RAD51B: variants seen among roughly 807,000 people sequenced by gnomAD.
The protein encoded by RAD51B is DNA repair protein RAD51 homolog 2.
In RAD51B, 38 loss-of-function variants were observed where a neutral mutation model predicts 42.2. That is an observed-to-expected ratio of 0.90 (90% CI 0.70 to 1.18). The LOEUF (loss-of-function observed/expected upper bound fraction) is 1.18. RAD51B is among the 50% of genes most tolerant of loss of function. The pLI is 0.00. For synonymous variants in RAD51B, 154 were observed against 145.2 expected (o/e 1.06, Z -0.43); for missense variants, 373 against 400.7 (o/e 0.93, Z 0.59).
chr14:68,098,603 A>G (rs2077236160), intron 7 of RAD51B, among the ~76,000 whole-genome samples: 1 of 152,186 alleles, frequency 6.6e-6, no homozygotes, highest in African/African-American at 2.4e-5. Flanking sequence ...TGATAAACCC[A>G]TCAGATCTCG....
chr14:68,230,638 A>G (rs566730660), intron 7 of RAD51B, among the ~76,000 whole-genome samples: 3 of 152,332 alleles, frequency 2.0e-5, no homozygotes, highest in South Asian at 4.1e-4. Context: ...AATCTGTTCT[A>G]TGGGATCTAC....
intron 10 of RAD51B, among the ~76,000 whole-genome samples, chr14:68,603,182 A>C (rs1045411171): frequency 6.6e-6 from 1 of 152,162 alleles, no homozygotes; most frequent in African/African-American, 2.4e-5. Flanking sequence ...CCTTATATGG[A>C]TTAGGCCCTC....
chr14:68,532,849 A>G (rs1026227286), intron 10 of RAD51B, among the ~76,000 whole-genome samples: 2 of 152,246 alleles, frequency 1.3e-5, no homozygotes, highest in Non-Finnish European at 2.9e-5. Flanking sequence ...CTTAATATAG[A>G]TGCAGAAAAA....
At chr14:67,851,275 T>C (rs1341540556) in intron 4 of RAD51B, among the ~76,000 whole-genome samples, 7 of 152,150 alleles carry the variant, frequency 4.6e-5, no homozygotes, top group Admixed American at 3.3e-4. Flanking sequence ...GGCTGGATTG[T>C]TGGGGAGCCT....
At chr14:68,613,709 C>T (rs928748598), downstream of RAD51B, among the ~76,000 whole-genome samples, 3 of 152,104 alleles carry the variant, frequency 2.0e-5, no homozygotes, top group African/African-American at 7.2e-5. Context: ...CCGCCTTGAC[C>T]TCCCAAAGTG....
intron 11 of RAD51B, among the ~76,000 whole-genome samples, chr14:68,666,198 G>A (rs1427626309): frequency 6.6e-6 from 1 of 152,178 alleles, no homozygotes. Flanking sequence ...AGAGCTGAGA[G>A]ATGGAGAGTA....
At chr14:68,544,149 G>A (rs1254527494) in intron 10 of RAD51B, among the ~76,000 whole-genome samples, 1 of 152,128 alleles carries the variant, frequency 6.6e-6, no homozygotes, top group Non-Finnish European at 1.5e-5. Flanking sequence ...ACTAGAACTT[G>A]GCAGGAATAA....
chr14:68,499,155 A>G (rs1375812908), intron 10 of RAD51B, among the ~76,000 whole-genome samples: 2 of 152,260 alleles, frequency 1.3e-5, no homozygotes, highest in Non-Finnish European at 2.9e-5. Context: ...ATCACATGTG[A>G]GTTTTTGCAC....
intron 10 of RAD51B, among the ~76,000 whole-genome samples, chr14:68,588,973 G>C (rs1890616171): frequency 6.6e-6 from 1 of 152,170 alleles, no homozygotes; most frequent in Admixed American, 6.5e-5. Flanking sequence ...AATTAGTTTT[G>C]TAGAGGAAAG....
intron 10 of RAD51B, among the ~76,000 whole-genome samples, chr14:68,593,933 G>A (rs1248949267): frequency 1.3e-5 from 2 of 152,312 alleles, no homozygotes; most frequent in East Asian, 1.9e-4. Context: ...GATCAGCTCA[G>A]AAAGAATCCT....
intron 7 of RAD51B, among the ~76,000 whole-genome samples, chr14:67,971,391 C>T (rs1210501611): frequency 6.6e-6 from 1 of 151,944 alleles, no homozygotes; most frequent in African/African-American, 2.4e-5. Flanking sequence ...TTTTAAAATT[C>T]CTCTTAAACT....
chr14:68,162,797 AAAACAAAACAAACAAAC>A (rs1456075893), intron 7 of RAD51B, among the ~76,000 whole-genome samples: 2 of 151,966 alleles, frequency 1.3e-5, no homozygotes, highest in Non-Finnish European at 2.9e-5. Context: ...AAAACAAAAC[AAAACAAAACAAACAAAC>A]AAACAAAACT....
At chr14:67,905,838 A>G (rs2043765455) in intron 7 of RAD51B, among the ~76,000 whole-genome samples, 1 of 152,094 alleles carries the variant, frequency 6.6e-6, no homozygotes, top group Non-Finnish European at 1.5e-5. Context: ...CTTTCTAGGT[A>G]TAAAATCATA....
chr14:67,896,952 T>C (rs1350598226), intron 7 of RAD51B, among the ~76,000 whole-genome samples: 1 of 152,144 alleles, frequency 6.6e-6, no homozygotes, highest in Non-Finnish European at 1.5e-5. Flanking sequence ...GCATGTGTGG[T>C]CAATTGATCT....
chr14:67,979,434 C>T (rs1004113142), intron 7 of RAD51B, among the ~76,000 whole-genome samples: 7 of 152,102 alleles, frequency 4.6e-5, no homozygotes, highest in Non-Finnish European at 7.4e-5. Context: ...ACCCCTAATG[C>T]GTGGCTTATA....
intron 7 of RAD51B, among the ~76,000 whole-genome samples, chr14:68,023,085 C>A: frequency 6.6e-6 from 1 of 152,102 alleles, no homozygotes; most frequent in East Asian, 1.9e-4. Flanking sequence ...GATTCCATGT[C>A]TTTGCTATTG....
At chr14:68,434,358 C>G (rs1342689076) in intron 9 of RAD51B, among the ~76,000 whole-genome samples, 2 of 152,180 alleles carry the variant, frequency 1.3e-5, no homozygotes, top group Non-Finnish European at 2.9e-5. Context: ...TCTACAGAAG[C>G]AGGCAGGCCT....
chr14:67,893,247 G>T (rs552367869), intron 7 of RAD51B, among the ~76,000 whole-genome samples: 2 of 152,118 alleles, frequency 1.3e-5, no homozygotes, highest in African/African-American at 4.8e-5. Context: ...GAGAAGCTGG[G>T]TGAAGGGCAT....
intron 7 of RAD51B, among the ~76,000 whole-genome samples, chr14:68,066,277 T>C (rs779070017): frequency 7.6e-4 from 116 of 152,026 alleles, no homozygotes; most frequent in Non-Finnish European, 2.1e-4. Flanking sequence ...GAGAGAAAAT[T>C]TGAAAGAGTG....
Sources: gnomAD v4.1 joint callset for allele counts (sites outside exome capture counted in the v4.1 genomes callset) on GRCh38, gnomAD v4.1.1 for gene constraint, MANE v1.5 for transcripts, NCBI Gene and HGNC (gene_info 2026-07-23, HGNC 2026-07-21) for gene names.